The following MAX variants were observed in gnomAD, a reference collection of about 807,000 sequenced individuals.
The protein encoded by MAX is protein max.
Under a neutral mutation model 22.3 loss-of-function variants are expected in MAX, and 3 were observed. The ratio of observed to expected loss-of-function variants is 0.13; its 90% CI spans 0.06 to 0.35. The LOEUF is 0.35. Ranked by LOEUF, MAX falls within the 10% of genes least tolerant of loss-of-function variation. MAX has a pLI of 1.00. For missense variants in MAX, 119 were observed against 209.4 expected, an observed-to-expected ratio of 0.57 and a Z score of 2.66; for synonymous variants, 72 against 77.7, an observed-to-expected ratio of 0.93 and a Z score of 0.39.
At chr14:65,017,119 C>T (rs1160800486) in intron 3 of MAX, among the ~76,000 whole-genome samples, 4 of 152,056 alleles carry the variant, frequency 2.6e-5, no homozygotes. Flanking sequence ...GGTAGGCTTT[C>T]ACCATATTGA....
Position 65,032,559 on chromosome 14 carries a change from T to C in MAX, c.172-26275A>G. The stretch of plus-strand genomic sequence containing the variant: ...GTCCGCCCGCGGAGTTCACTGAGCC[T>C]CATTAGCTCTTCCGTAGAGCTTAAT... On this transcript the variant is annotated intron_variant, in intron 3 of 3. Transcript: ENST00000341653. This position sits in a 1 kb window ranked among gnomAD's most constrained non-coding sequence, Gnocchi z 5.0. 6.3e-7 allele frequency: 1 copy of C among 1,599,026 alleles called. No homozygotes were observed. The highest frequency in any genetic ancestry group is 8.5e-7 in the Non-Finnish European group (1 of 1,172,898).
In MAX at chr14:65,101,845, C is replaced by T. The variant is rs2781374; in HGVS notation, c.37-273G>A. Among the ~76,000 whole-genome samples the T allele has an allele frequency of 0.48, 73,187 of 151,930 alleles. 20,246 individuals are homozygous for T. The highest frequency in any genetic ancestry group is 0.77 in the African/African-American group (32,003 of 41,454). ...CACTGTCTCCTCCCTGCAGACCCAG[C>T]TCGGGCATCTAGGCACCCCCAACCC... On this transcript the variant is annotated intron_variant, in intron 1 of 4. Coordinates refer to ENST00000358664, the MANE Select transcript of MAX (RefSeq NM_002382.5).
Position 65,032,413 on chromosome 14 carries a change from A to G in MAX, c.172-26129T>C, listed in dbSNP as rs2062104282. 2.1e-6 allele frequency: 1 copy of G among 487,772 alleles called. No individual in the cohort carries two copies. The highest frequency in any genetic ancestry group is 3.6e-6 in the Non-Finnish European group (1 of 278,144). The allele number at this position is 487,772 out of a possible 1,614,324, so 30.2% of individuals were successfully genotyped here. On this transcript the variant is annotated intron_variant, in intron 3 of 3. Transcript: ENST00000341653. The surrounding 1 kb of genome is among the most constrained non-coding windows in gnomAD (Gnocchi z 5.0). ...AATGTCATGTTCTTTCACTGAAGCC[A>G]TGCCGTGAGCAACTCTATCCAAATA...
chr14:65,061,634 T>C, intron 3 of MAX: 2 of 262,112 alleles, frequency 7.6e-6, no homozygotes, highest in South Asian at 1.1e-4. Flanking sequence ...ATGAATGGCA[T>C]CTGAGTATTA....
intron 3 of MAX, chr14:65,053,213 T>C: frequency 7.4e-7 from 1 of 1,356,244 alleles, no homozygotes; most frequent in Non-Finnish European, 9.6e-7. Context: ...TGCCGGGCCC[T>C]TACTGACCCT....
rs1313634229 is a variant in MAX at position 65,093,404 on chromosome 14, G to A, written c.171+304C>T. 8.0e-6 allele frequency: 3 copies of A among 374,754 alleles called. No homozygotes were observed. Among genetic ancestry groups the A allele is most frequent in the Non-Finnish European group, 1.5e-5 (3 of 196,924 alleles). The allele number at this position is 374,754 out of a possible 1,614,324, so 23.2% of individuals were successfully genotyped here. Reference sequence around the variant, plus strand: ...TACTGTTATCCCAAACGAACTCTTGGCCACTCTTTATACTATAGTGTATAG... The same window carrying A: ...TACTGTTATCCCAAACGAACTCTTGACCACTCTTTATACTATAGTGTATAG... On this transcript the variant is annotated intron_variant, in intron 3 of 4. Transcript: ENST00000358664. This position sits in a 1 kb window ranked among gnomAD's most constrained non-coding sequence, Gnocchi z 4.4.
Position 65,044,431 on chromosome 14 carries a change from C to T in MAX, c.172-38147G>A. The T allele has an allele frequency of 6.2e-7, 1 of 1,610,496 alleles. No individual in the cohort carries two copies. The highest frequency in any genetic ancestry group is 8.5e-7 in the Non-Finnish European group (1 of 1,178,650). ...GCTCCTGCCCCTGCTCCACCGCGCACTGCACGCCCAAGGTGAGCCTGGGGA... is the reference window on the plus strand; with the variant it reads ...GCTCCTGCCCCTGCTCCACCGCGCATTGCACGCCCAAGGTGAGCCTGGGGA... On this transcript the variant is annotated intron_variant, in intron 3 of 3. Coordinates refer to the MAX transcript ENST00000341653. The surrounding 1 kb of genome is among the most constrained non-coding windows in gnomAD (Gnocchi z 5.5).
chr14:65,019,143 A>T (rs2061838958), intron 3 of MAX, among the ~76,000 whole-genome samples: 1 of 152,174 alleles, frequency 6.6e-6, no homozygotes, highest in Non-Finnish European at 1.5e-5. Flanking sequence ...ACTGCACTCC[A>T]GCCTGGGCAA....
At chr14:65,034,086 T>G (rs1252987757) in intron 3 of MAX, among the ~76,000 whole-genome samples, 1 of 152,216 alleles carries the variant, frequency 6.6e-6, no homozygotes, top group African/African-American at 2.4e-5. Context: ...ACTTATGAAT[T>G]CCTTCCCAAA....
rs2063118223 is a variant in MAX, at chr14:65,078,415, G to A, written c.172-379C>T. On this transcript the variant is annotated intron_variant, in intron 3 of 4. Coordinates refer to ENST00000358664, the MANE Select transcript of MAX (RefSeq NM_002382.5). The surrounding 1 kb of genome is among the most constrained non-coding windows in gnomAD (Gnocchi z 6.4). ...AATGCGGTTTCACCATGTTAGCCAG[G>A]CTGGTCTCAAACTCCTGGCCTCAGG... 6.6e-6 allele frequency among the ~76,000 whole-genome samples: 1 copy of A among 152,058 alleles called. No individual in the cohort carries two copies. The highest frequency in any genetic ancestry group is 1.5e-5 in the Non-Finnish European group (1 of 68,020).
In MAX at chr14:65,012,916, G is replaced by A. The variant is rs572036414; in HGVS notation, c.172-6632C>T. Among the ~76,000 whole-genome samples, 13 of 152,294 alleles carry A rather than the reference G, an allele frequency of 8.5e-5. No homozygotes were observed. The highest frequency in any genetic ancestry group is 3.1e-4 in the African/African-American group (13 of 41,558). On this transcript the variant is annotated intron_variant, in intron 3 of 3. Coordinates refer to the MAX transcript ENST00000341653. This position sits in a 1 kb window ranked among gnomAD's most constrained non-coding sequence, Gnocchi z 5.0. ...AATTTCTATACTGACTAGAGGACCA[G>A]TATAGAGAGTGGTCCTTGCAATTTA...
intron 2 of MAX, among the ~76,000 whole-genome samples, chr14:65,100,899 C>T (rs2063812008): frequency 6.6e-6 from 1 of 152,234 alleles, no homozygotes; most frequent in African/African-American, 2.4e-5. Flanking sequence ...TCTCATCCAT[C>T]ACCTTTCAGC....
intron 3 of MAX, among the ~76,000 whole-genome samples, chr14:65,025,853 T>C (rs1400444986): frequency 1.3e-5 from 2 of 152,174 alleles, no homozygotes; most frequent in Non-Finnish European, 1.5e-5. Flanking sequence ...ACATAATTGT[T>C]TTCAACTTCA....
chr14:65,006,550 A>G (rs1320104366), intron 3 of MAX, among the ~76,000 whole-genome samples: 2 of 152,194 alleles, frequency 1.3e-5, no homozygotes, highest in Non-Finnish European at 2.9e-5. Flanking sequence ...AGAGGGGACA[A>G]GACTTCATAA....
chr14:65,020,075 CT>C (rs1397014145), intron 3 of MAX, among the ~76,000 whole-genome samples: 1 of 152,214 alleles, frequency 6.6e-6, no homozygotes, highest in Non-Finnish European at 1.5e-5. Flanking sequence ...CACACGCCCC[CT>C]ACACTTACAC....
intron 2 of MAX, among the ~76,000 whole-genome samples, chr14:65,094,830 C>T (rs1262546118): frequency 1.3e-5 from 2 of 152,230 alleles, no homozygotes; most frequent in Non-Finnish European, 2.9e-5. Context: ...CTTCATCACA[C>T]CTACACTCTA....
intron 3 of MAX, chr14:65,022,107 A>G (rs1286374688): frequency 4.4e-6 from 2 of 455,694 alleles, no homozygotes; most frequent in Admixed American, 4.7e-5. Flanking sequence ...GTCCATTGTC[A>G]TATTCTACCT....
chr14:65,065,854 C>T (rs754862362), intron 3 of MAX, among the ~76,000 whole-genome samples: 33 of 152,174 alleles, frequency 2.2e-4, no homozygotes, highest in Non-Finnish European at 4.4e-4. Context: ...CCTTGACTCA[C>T]CTTGTAAGGT....
chr14:65,060,387 G>C (rs933935305), intron 3 of MAX, among the ~76,000 whole-genome samples: 1 of 149,742 alleles, frequency 6.7e-6, no homozygotes, highest in Non-Finnish European at 1.5e-5. Flanking sequence ...TCAGGAGTTC[G>C]AGACCAGCCG....
Sources: gnomAD v4.1 joint callset for allele counts (sites outside exome capture counted in the v4.1 genomes callset) on GRCh38, gnomAD v4.1.1 for gene constraint, Gnocchi (gnomAD v3.1) non-coding constraint, MANE v1.5 for transcripts, NCBI Gene and HGNC (gene_info 2026-07-23, HGNC 2026-07-21) for gene names.